The following RBBP8 variants were observed in gnomAD, a reference collection of about 807,000 sequenced individuals.
RBBP8 encodes the protein DNA endonuclease RBBP8.
In RBBP8, 88 loss-of-function variants were observed where a neutral mutation model predicts 108.3. The ratio of observed to expected loss-of-function variants is 0.81; its 90% confidence interval spans 0.68 to 0.97. The LOEUF is 0.97. Among genes scored for constraint, RBBP8 ranks in the 50% least tolerant of loss-of-function variants. The pLI, the probability that RBBP8 is intolerant of heterozygous loss-of-function variation, is 0.00. For missense variants in RBBP8, 1,023 were observed against 1,049.0 expected (o/e 0.98, Z 0.34); for synonymous variants, 332 against 348.2 (o/e 0.95, Z 0.52).
chr18:22,941,535 G>T (rs1437808208), intron 2 of RBBP8, among the ~76,000 whole-genome samples: 2 of 152,008 alleles, frequency 1.3e-5, no homozygotes, highest in Admixed American at 6.5e-5. Context: ...CTATTCTTTG[G>T]TGTTACAGGA....
chr18:22,958,292 C>T (rs1461038411), intron 4 of RBBP8, among the ~76,000 whole-genome samples: 5 of 152,194 alleles, frequency 3.3e-5, no homozygotes, highest in Admixed American at 2.6e-4. Context: ...CATTTCTTTA[C>T]GTATCTGATG....
intron 17 of RBBP8, among the ~76,000 whole-genome samples, chr18:23,018,702 G>A (rs1463628217): frequency 6.6e-6 from 1 of 152,180 alleles, no homozygotes; most frequent in Non-Finnish European, 1.5e-5. Flanking sequence ...TAATACAGAT[G>A]AAGGTTTTTT....
intron 7 of RBBP8, among the ~76,000 whole-genome samples, chr18:22,984,683 A>T (rs937933030): frequency 2.0e-5 from 3 of 152,190 alleles, no homozygotes; most frequent in Admixed American, 6.5e-5. Context: ...CCAATGTCTT[A>T]ACTTAAACAG....
Position 22,993,321 on chromosome 18 carries a change from A to G in RBBP8, c.1494A>G (p.Ser498=). The change falls in exon 11 of 19, where the codon TCA becomes TCG. Residue 498 remains serine, a synonymous_variant. Coordinates refer to ENST00000327155, the MANE Select transcript of RBBP8 (RefSeq NM_002894.3). ...CTCTGGATCTGTCTGATCGATTTTC[A>G]GCTATTCAGCGTCAAGAGAAAAGCC... ...DKPLDLSDRF[S]AIQRQEKSQG... is the part of the protein sequence containing the mutation. The G allele has an allele frequency of 6.2e-7, 1 of 1,614,252 alleles. No homozygotes were observed. Among genetic ancestry groups the G allele is most frequent in the Non-Finnish European group, 8.5e-7 (1 of 1,180,032 alleles).
intron 3 of RBBP8, among the ~76,000 whole-genome samples, chr18:22,924,127 G>GTTTTTTTTTTTTTTTTTTT (rs33978854): frequency 3.7e-5 from 4 of 108,228 alleles, no homozygotes; most frequent in Non-Finnish European, 5.3e-5. Context: ...TTTGTTTTTG[G>GTTTTTTTTTTTTTTTTTTT]TTTTTTTTTT....
intron 18 of RBBP8, among the ~76,000 whole-genome samples, chr18:23,022,663 T>TA (rs368137173): frequency 5.0e-5 from 5 of 99,822 alleles, no homozygotes; most frequent in African/African-American, 1.5e-4. Flanking sequence ...TAAAATAAAA[T>TA]AAAATAAATA....
At chr18:22,997,472 C>T (rs559326584) in intron 13 of RBBP8, 148 bp from the exon 14 acceptor site, 16 of 640,624 alleles carry the variant, frequency 2.5e-5, no homozygotes, top group African/African-American at 1.7e-4. Context: ...CTTACCTGTT[C>T]GTAAAGTATA....
intron 8 of RBBP8, among the ~76,000 whole-genome samples, chr18:22,986,811 TTGTC>T (rs770505512): frequency 3.3e-5 from 5 of 152,250 alleles, no homozygotes; most frequent in African/African-American, 9.6e-5. Flanking sequence ...GTGTGTCTGT[TTGTC>T]TGTCCATGAG....
At chr18:22,916,986 A>T (rs1348993871) in exon 3 of RBBP8, 1 of 152,158 alleles carries the variant, frequency 6.6e-6, no homozygotes, top group African/African-American at 2.4e-5. Context: ...TGCAGGACTT[A>T]AAAACCCATC....
intron 14 of RBBP8, among the ~76,000 whole-genome samples, chr18:22,998,581 G>T (rs1277582226): frequency 1.3e-5 from 2 of 152,222 alleles, no homozygotes; most frequent in African/African-American, 4.8e-5. Context: ...TGCCACATGG[G>T]GAAGCAGTGC....
chr18:22,964,630 T>TTTTTATTTTA (rs546091335), intron 4 of RBBP8, among the ~76,000 whole-genome samples: 2 of 150,756 alleles, frequency 1.3e-5, no homozygotes, highest in South Asian at 2.1e-4. Context: ...TAATTTTTAA[T>TTTTTATTTTA]TTTTATTTTA....
intron 2 of RBBP8, among the ~76,000 whole-genome samples, chr18:22,941,441 G>A (rs988637579): frequency 3.9e-5 from 6 of 152,058 alleles, no homozygotes; most frequent in Non-Finnish European, 8.8e-5. Flanking sequence ...CAAAGTGCTA[G>A]GATTACAGGC....
chr18:23,016,357 C>T (rs2046255601), intron 16 of RBBP8, among the ~76,000 whole-genome samples: 1 of 152,022 alleles, frequency 6.6e-6, no homozygotes, highest in African/African-American at 2.4e-5. Flanking sequence ...CTAGCCTGGC[C>T]AACATGGTGA....
chr18:23,022,668 T>TAAATAAAATAAATAAAATAAAAA (rs1175474463), intron 18 of RBBP8, among the ~76,000 whole-genome samples: 1 of 136,030 alleles, frequency 7.4e-6, no homozygotes, highest in Non-Finnish European at 1.6e-5. Flanking sequence ...TAAAATAAAA[T>TAAATAAAATAAATAAAATAAAAA]AAATAACTGT....
intron 10 of RBBP8, among the ~76,000 whole-genome samples, chr18:22,992,402 G>A (rs1356085336): frequency 6.6e-6 from 1 of 152,156 alleles, no homozygotes; most frequent in East Asian, 1.9e-4. Flanking sequence ...CACCATGTTA[G>A]CCAGGCTGGC....
intron 1 of RBBP8, among the ~76,000 whole-genome samples, chr18:22,914,781 T>A (rs1239298071): frequency 6.6e-6 from 1 of 152,060 alleles, no homozygotes; most frequent in African/African-American, 2.4e-5. Flanking sequence ...CAATTCACAG[T>A]AAAAATTGAG....
intron 1 of RBBP8, chr18:22,915,404 A>T (rs1011298897): frequency 1.4e-4 from 21 of 152,146 alleles, no homozygotes; most frequent in Non-Finnish European, 2.9e-4. Flanking sequence ...TTCAGATGAG[A>T]TTTCATTTTT....
At chr18:22,953,770 C>G (rs2144509767) in intron 4 of RBBP8, among the ~76,000 whole-genome samples, 1 of 151,422 alleles carries the variant, frequency 6.6e-6, no homozygotes, top group Admixed American at 6.6e-5. Flanking sequence ...TGTATTAGTC[C>G]ATTTTCACGC....
At chr18:22,935,258 A>G (rs184859936) in intron 1 of RBBP8, among the ~76,000 whole-genome samples, 562 of 150,070 alleles carry the variant, frequency 3.7e-3, no homozygotes, top group African/African-American at 0.013. Flanking sequence ...CCCTTGTTTC[A>G]TCTCTTCACC....
Sources: allele counts gnomAD v4.1 joint callset (sites outside exome capture counted in the v4.1 genomes callset), GRCh38; gene constraint gnomAD v4.1.1; transcripts MANE v1.5; gene names NCBI Gene and HGNC (gene_info 2026-07-23, HGNC 2026-07-21).